The following FLOT2 variants were observed in gnomAD, a reference collection of about 807,000 sequenced individuals.
The protein encoded by FLOT2 is flotillin-2.
In FLOT2, 35 loss-of-function variants were observed where a neutral mutation model predicts 54.9. The ratio of observed to expected loss-of-function variants is 0.64; its 90% CI spans 0.49 to 0.84. The LOEUF (loss-of-function observed/expected upper bound fraction) is 0.84, where lower values mean the gene tolerates loss of function less well. Ranked by LOEUF, FLOT2 falls within the 40% of genes least tolerant of loss-of-function variation. The pLI is 0.00. For synonymous variants in FLOT2, 207 were observed against 228.9 expected, an observed-to-expected ratio of 0.90 and a Z score of 0.86; for missense variants, 464 against 572.1, an observed-to-expected ratio of 0.81 and a Z score of 1.93.
intron 8 of FLOT2, 79 bp downstream of exon 8, chr17:28,881,735 G>A: frequency 1.5e-6 from 2 of 1,301,706 alleles, no homozygotes; most frequent in South Asian, 2.5e-5. Flanking sequence ...TCCAAGCTGT[G>A]GTCAGGAGAG....
Position 28,880,058 on chromosome 17 carries a change from C to A in FLOT2, c.*503G>T. On this transcript the variant is annotated 3_prime_UTR_variant, in exon 11 of 11. Coordinates refer to ENST00000394908, the MANE Select transcript of FLOT2 (RefSeq NM_004475.3). ...GGGCAGCAGCAGGTGAGGCTGTGGG[C>A]TTCCTGGGGCAGGGTTTAGGGCTGG... 3.0e-6 allele frequency: 3 copies of A among 991,388 alleles called. No homozygotes were observed. Among genetic ancestry groups the A allele is most frequent in the Non-Finnish European group, 3.6e-6 (3 of 833,954 alleles). 61.4% of individuals were successfully genotyped at this position (991,388 alleles called of 1,614,324 possible).
rs973608482 is a variant in FLOT2, at chr17:28,880,241, A to G, written c.*320T>C. 1.6e-6 allele frequency: 2 copies of G among 1,213,152 alleles called. No individual in the cohort carries two copies. The highest frequency in any genetic ancestry group is 2.1e-6 in the Non-Finnish European group (2 of 968,288). 75.1% of individuals were successfully genotyped at this position (1,213,152 alleles called of 1,614,324 possible). ...GCAGGGCCACCCCCCACAGAGAGTG[A>G]TTGTAATAAACATCTTCAGCTTAAT... On this transcript the variant is annotated 3_prime_UTR_variant, in exon 11 of 11. Transcript: ENST00000394908.
chr17:28,879,417 G>A lies in FLOT2; in HGVS notation c.*1144C>T, dbSNP rs2039411428. Reference sequence around the variant, plus strand: ...AACATCCAAGCCCCAGACCAGACATGCAGCATCCACATGCAGGAAGAGCTA... The same window carrying A: ...AACATCCAAGCCCCAGACCAGACATACAGCATCCACATGCAGGAAGAGCTA... On this transcript the variant is annotated 3_prime_UTR_variant, in exon 11 of 11. Transcript: ENST00000394908. 3.0e-6 allele frequency: 3 copies of A among 988,118 alleles called. No homozygotes were observed. The highest frequency in any genetic ancestry group is 3.6e-6 in the Non-Finnish European group (3 of 830,284). 61.2% of individuals were successfully genotyped at this position (988,118 alleles called of 1,614,324 possible).
Position 28,879,690 on chromosome 17 carries a change from G to T in FLOT2, c.*871C>A. On this transcript the variant is annotated 3_prime_UTR_variant, in exon 11 of 11. Transcript: ENST00000394908. ...GTTGGCACAGCCTTGTCCACCAGAA[G>T]GGCCCAACACCCAGGACAGTGCAGC... 17 of 986,112 alleles carry T rather than the reference G, an allele frequency of 1.7e-5. No homozygotes were observed. Among genetic ancestry groups the T allele is most frequent in the Non-Finnish European group, 2.0e-5 (17 of 830,114 alleles). 61.1% of individuals were successfully genotyped at this position (986,112 alleles called of 1,614,324 possible).
rs554370053 is a variant in FLOT2, at chr17:28,895,766, C to A, written c.49+1760G>T. Reference sequence around the variant, plus strand: ...GAAAAGGATTCCCCTTTAAAATTTTCAAAAGTAGAGAGAAAAAAGGTTTTA... The same window carrying A: ...GAAAAGGATTCCCCTTTAAAATTTTAAAAAGTAGAGAGAAAAAAGGTTTTA... On this transcript the variant is annotated intron_variant, in intron 1 of 10. Coordinates refer to ENST00000394908, the MANE Select transcript of FLOT2 (RefSeq NM_004475.3). 4.6e-5 allele frequency among the ~76,000 whole-genome samples: 7 copies of A among 151,778 alleles called. 1 individual carries two copies. The South Asian group carries it at 1.5e-3, about 32-fold the overall frequency.
At chr17:28,896,222 C>G (rs1016582492) in intron 1 of FLOT2, among the ~76,000 whole-genome samples, 9 of 152,224 alleles carry the variant, frequency 5.9e-5, no homozygotes, top group Non-Finnish European at 1.2e-4. Context: ...CTCTGGGGCT[C>G]TTCTTGCCCC....
intron 2 of FLOT2, among the ~76,000 whole-genome samples, chr17:28,887,698 G>A (rs1368193863): frequency 6.6e-6 from 1 of 152,230 alleles, no homozygotes; most frequent in Non-Finnish European, 1.5e-5. Flanking sequence ...CAGTGTGTGG[G>A]GTGGCAGTAT....
At position 28,883,364 on chromosome 17, in the gene FLOT2, G is replaced by A. The variant is rs2152646865; in HGVS notation, c.223-133C>T. 1 of 1,074,284 alleles carries A rather than the reference G, an allele frequency of 9.3e-7. No homozygotes were observed. The highest frequency in any genetic ancestry group is 1.4e-6 in the Non-Finnish European group (1 of 732,078). The allele number at this position is 1,074,284 out of a possible 1,614,324, so 66.5% of individuals were successfully genotyped here. On this transcript the variant is annotated intron_variant, in intron 3 of 10. Coordinates refer to ENST00000394908, the MANE Select transcript of FLOT2 (RefSeq NM_004475.3). The surrounding 1 kb of genome is among the most constrained non-coding windows in gnomAD (Gnocchi z 5.0). ...CAGACCTGGAGGCCCTGGGGGGCTG[G>A]AATCTGTCTGAAGCCTCTAGTGGGG...
In FLOT2 at chr17:28,880,705, G is replaced by T. The variant is rs769292693; in HGVS notation, c.1248+8C>A. The T allele has an allele frequency of 5.3e-5, 85 of 1,614,080 alleles. No homozygotes were observed. Among genetic ancestry groups the T allele is most frequent in the Non-Finnish European group, 7.0e-5 (83 of 1,180,050 alleles). ...GGGCAACCCCACCGCAGCTAGGCAG[G>T]CACATACCTTAGACAGGTCCACGCC... On this transcript the variant is annotated splice_region_variant and intron_variant, in intron 10 of 10. Transcript: ENST00000394908.
chr17:28,887,729 G>A (rs1158889477), intron 2 of FLOT2, among the ~76,000 whole-genome samples: 7 of 152,184 alleles, frequency 4.6e-5, no homozygotes, highest in East Asian at 1.9e-4. Flanking sequence ...GGCTCCCCAC[G>A]GCTTCTGACA....
At chr17:28,889,391 G>A (rs1299264881) in intron 1 of FLOT2, among the ~76,000 whole-genome samples, 4 of 151,798 alleles carry the variant, frequency 2.6e-5, no homozygotes, top group Non-Finnish European at 5.9e-5. Context: ...CTACAGTGGC[G>A]CAGTCTCGGC....
intron 9 of FLOT2, 55 bp downstream of exon 9, chr17:28,881,137 A>T: frequency 6.5e-7 from 1 of 1,529,300 alleles, no homozygotes; most frequent in Non-Finnish European, 8.9e-7. Context: ...GCACTTGCCC[A>T]GCTTGTCAAG....
chr17:28,881,522 C>T (rs980011093), intron 8 of FLOT2, 147 bp from the exon 9 acceptor site: 16 of 858,170 alleles, frequency 1.9e-5, no homozygotes, highest in Middle Eastern at 3.4e-4. Context: ...CCTGACCTTC[C>T]GGCTCTGGCC....
At position 28,897,262 on chromosome 17, in the gene FLOT2, G is replaced by A. The variant is rs1482022874; in HGVS notation, c.49+264C>T. Among the ~76,000 whole-genome samples the A allele has an allele frequency of 6.6e-6, 1 of 152,242 alleles. No homozygotes were observed. Among genetic ancestry groups the A allele is most frequent in the Non-Finnish European group, 1.5e-5 (1 of 68,024 alleles). Reference sequence around the variant, plus strand: ...AACCTCACAGTAGAGCGGCGGGGAGGCCCGCCTAGGGAGGGGGAGGAGAAG... The same window carrying A: ...AACCTCACAGTAGAGCGGCGGGGAGACCCGCCTAGGGAGGGGGAGGAGAAG... On this transcript the variant is annotated intron_variant, in intron 1 of 10. Transcript: ENST00000394908. The surrounding 1 kb of genome is among the most constrained non-coding windows in gnomAD (Gnocchi z 4.4).
At position 28,882,658 on chromosome 17, in the gene FLOT2, C is replaced by T. The variant is rs763357953; in HGVS notation, c.380G>A (p.Arg127Gln). The change falls in exon 5 of 11, where the codon CGG (arginine) becomes CAG (glutamine). Residue 127 changes from arginine (R) to glutamine (Q), a missense_variant. By Grantham distance (43) the Arg-to-Gln change is conservative. Transcript: ENST00000394908. The surrounding 1 kb of genome is among the most constrained non-coding windows in gnomAD (Gnocchi z 5.6). ...TLTVEQIYQD[R>Q]DQFAKLVREV... ...CCGCACCAGCTTGGCAAACTGGTCC[C>T]GGTCCTGATAAATCTGCTCCACTGT... 1.9e-6 allele frequency: 3 copies of T among 1,613,564 alleles called. No homozygotes were observed. Among genetic ancestry groups the T allele is most frequent in the Non-Finnish European group, 2.5e-6 (3 of 1,179,784 alleles).
In FLOT2 at chr17:28,884,319, C is replaced by A; in HGVS notation, c.132-4G>T. 6.2e-7 allele frequency: 1 copy of A among 1,600,582 alleles called. No individual in the cohort carries two copies. The highest frequency in any genetic ancestry group is 8.5e-7 in the Non-Finnish European group (1 of 1,171,102). ...CGTCATAATCTCTAGGGAAATCCTG[C>A]CAAGAAACGCAAAACAGGGGCATGG... On this transcript the variant is annotated splice_polypyrimidine_tract_variant and splice_region_variant and intron_variant, in intron 2 of 10. Transcript: ENST00000394908. The surrounding 1 kb of genome is among the most constrained non-coding windows in gnomAD (Gnocchi z 5.1).
At chr17:28,892,309 G>A (rs1343838202) in intron 1 of FLOT2, among the ~76,000 whole-genome samples, 1 of 142,464 alleles carries the variant, frequency 7.0e-6, no homozygotes, top group Non-Finnish European at 1.5e-5. Context: ...AGTGGTGGGG[G>A]TAGGATGTGG....
chr17:28,888,323 T>C (rs2039583349), intron 2 of FLOT2, among the ~76,000 whole-genome samples: 1 of 152,206 alleles, frequency 6.6e-6, no homozygotes, highest in Non-Finnish European at 1.5e-5. Flanking sequence ...TGGTGGGCCC[T>C]CTGGGGAGCT....
chr17:28,895,647 T>C (rs771971205), intron 1 of FLOT2, among the ~76,000 whole-genome samples: 9 of 152,200 alleles, frequency 5.9e-5, no homozygotes, highest in Non-Finnish European at 1.0e-4. Context: ...CCAACATTCA[T>C]AATCACAGAA....
Sources: gnomAD v4.1 joint callset for allele counts (sites outside exome capture counted in the v4.1 genomes callset) on GRCh38, gnomAD v4.1.1 for gene constraint, Gnocchi (gnomAD v3.1) non-coding constraint, MANE v1.5 for transcripts, NCBI Gene and HGNC (gene_info 2026-07-23, HGNC 2026-07-21) for gene names.